The following ERCC6L2 variants were observed in gnomAD, a reference collection of about 807,000 sequenced individuals.
ERCC6L2 encodes ERCC excision repair 6 like 2.
In ERCC6L2, 77 loss-of-function variants were observed where a neutral mutation model predicts 132.0. The ratio of observed to expected loss-of-function variants is 0.58; its 90% CI spans 0.49 to 0.71. The LOEUF (loss-of-function observed/expected upper bound fraction) is 0.71. Ranked by LOEUF, ERCC6L2 falls within the 30% of genes least tolerant of loss-of-function variation. The pLI is 0.00. For synonymous variants in ERCC6L2, 583 were observed against 632.4 expected (o/e 0.92, Z 1.17); for missense variants, 1,542 against 1,837.6 (o/e 0.84, Z 2.94).
chr9:95,930,032 A>G (rs1393815032), intron 11 of ERCC6L2, among the ~76,000 whole-genome samples: 1 of 152,150 alleles, frequency 6.6e-6, no homozygotes, highest in Non-Finnish European at 1.5e-5. Context: ...CATACTTCGA[A>G]AAACATCTTT....
At position 96,030,206 on chromosome 9, in the gene ERCC6L2, CCTGTAAAATGGGCCAATCAGCACT is replaced by C. The variant is rs1310744896; in HGVS notation, c.*1504-8658_*1504-8635del. Among the ~76,000 whole-genome samples, 4 of 151,666 alleles carry C rather than the reference CCTGTAAAATGGGCCAATCAGCACT, an allele frequency of 2.6e-5. No individual in the cohort carries two copies. In the East Asian group the frequency reaches 7.7e-4, roughly 29 times the overall value. ...CCCTGTAAAATGGATCAGTCAGCACCCTGTAAAATGGGCCAATCAGCACTCTGTAAAATGGACCAATCAGCAGGA... is the reference window on the plus strand; with the variant it reads ...CCCTGTAAAATGGATCAGTCAGCACCCTGTAAAATGGACCAATCAGCAGGA... On this transcript the variant is annotated intron_variant and NMD_transcript_variant, in intron 19 of 20. Transcript: ENST00000670016.
intron 4 of ERCC6L2, among the ~76,000 whole-genome samples, chr9:95,915,102 A>T (rs183905034): frequency 1.4e-3 from 210 of 152,272 alleles, no homozygotes; most frequent in Admixed American, 2.4e-3. Flanking sequence ...CTTTAGATAC[A>T]TCTGTGCTTT....
chr9:95,993,262 T>TGA (rs1833361715), intron 17 of ERCC6L2, among the ~76,000 whole-genome samples: 1 of 152,198 alleles, frequency 6.6e-6, no homozygotes, highest in Non-Finnish European at 1.5e-5. Context: ...GCTATGGTGC[T>TGA]GAGTCCAGTG....
chr9:95,882,322 G>C (rs1165304459), intron 2 of ERCC6L2, among the ~76,000 whole-genome samples: 2 of 152,226 alleles, frequency 1.3e-5, no homozygotes, highest in Non-Finnish European at 2.9e-5. Flanking sequence ...AGATTAAACA[G>C]GACTGGGAAT....
At chr9:96,000,638 T>A (rs1833635572) in intron 17 of ERCC6L2, among the ~76,000 whole-genome samples, 1 of 152,166 alleles carries the variant, frequency 6.6e-6, no homozygotes, top group Admixed American at 6.5e-5. Flanking sequence ...CCCATTGAAC[T>A]TCTATTAAAA....
At chr9:95,893,118 T>A (rs1343398194) in intron 2 of ERCC6L2, among the ~76,000 whole-genome samples, 1 of 152,232 alleles carries the variant, frequency 6.6e-6, no homozygotes, top group Non-Finnish European at 1.5e-5. Flanking sequence ...CTTCTTGCAA[T>A]GTACCTAATA....
rs2280143 is a variant in ERCC6L2 at position 95,980,400 on chromosome 9, T to G, written c.3492+2185T>G. 5.7e-3 allele frequency among the ~76,000 whole-genome samples: 868 copies of G among 152,316 alleles called. 21 individuals carry two copies. The East Asian group carries it at 0.092, about 16-fold the overall frequency. On this transcript the variant is annotated intron_variant, in intron 17 of 18. Transcript: ENST00000653738. ...TAATGACTACATTGTGGTGAAGTTTTAAAGCCACTAAATGGGAGGTCCATT... is the reference window on the plus strand; with the variant it reads ...TAATGACTACATTGTGGTGAAGTTTGAAAGCCACTAAATGGGAGGTCCATT...
In ERCC6L2 at chr9:96,004,616, A is replaced by C. The variant is rs554011949; in HGVS notation, c.3589A>C (p.Asn1197His). 2.3e-6 allele frequency: 3 copies of C among 1,320,366 alleles called. No individual in the cohort carries two copies. The highest frequency in any genetic ancestry group is 1.0e-4 in the East Asian group (2 of 19,888). The allele number at this position is 1,320,366 out of a possible 1,614,324, so 81.8% of individuals were successfully genotyped here. Residue 1197 changes from asparagine (N) to histidine (H), a missense_variant, in exon 18 of 19, where the codon AAT (asparagine) becomes CAT (histidine). Coordinates refer to ENST00000653738, the MANE Select transcript of ERCC6L2 (RefSeq NM_020207.7). ...CATTTCACTTCCTCTTTACATTTCAAATCCTGTAAACCAGAAGAAGAAAAA... is the reference window on the plus strand; with the variant it reads ...CATTTCACTTCCTCTTTACATTTCACATCCTGTAAACCAGAAGAAGAAAAA... ...GSISLPLYIS[N>H]PVNQKKKKVY...
At chr9:95,876,158 C>T (rs924455324) in intron 1 of ERCC6L2, 74 bp downstream of exon 1, 15 of 1,435,390 alleles carry the variant, frequency 1.0e-5, no homozygotes, top group Admixed American at 4.1e-5. Flanking sequence ...TTGCCGGTGC[C>T]CTTCGGGTTG....
At chr9:95,977,581 CA>C (rs780834458) in intron 16 of ERCC6L2, among the ~76,000 whole-genome samples, 2 of 152,024 alleles carry the variant, frequency 1.3e-5, no homozygotes, top group Non-Finnish European at 2.9e-5. Context: ...GGCATATGTA[CA>C]AAAAAGACAA....
intron 12 of ERCC6L2, among the ~76,000 whole-genome samples, chr9:95,944,702 G>C (rs750931211): frequency 2.6e-5 from 4 of 151,830 alleles, no homozygotes; most frequent in Admixed American, 2.6e-4. Context: ...CCTAAGTGTC[G>C]GCCGGTCTGA....
At chr9:95,920,665 A>G (rs1829820731) in intron 6 of ERCC6L2, among the ~76,000 whole-genome samples, 1 of 152,216 alleles carries the variant, frequency 6.6e-6, no homozygotes, top group Non-Finnish European at 1.5e-5. Flanking sequence ...GTTTATTTGA[A>G]AGTGAAATTA....
In ERCC6L2 at chr9:95,915,801, A is replaced by T; in HGVS notation, c.922A>T (p.Met308Leu). The T allele has an allele frequency of 6.2e-7, 1 of 1,612,734 alleles. No individual in the cohort carries two copies. The highest frequency in any genetic ancestry group is 8.5e-7 in the Non-Finnish European group (1 of 1,179,540). ...CACTGGAACCATCCTTCAGAACAAC[A>T]TGAAGGAACTGTGGTGTGTTATGGA... Reference protein sequence around the residue: ...GLTGTILQNNMKELWCVMDWA... With the variant: ...GLTGTILQNNLKELWCVMDWA... Residue 308 changes from methionine to leucine, a missense_variant, in exon 5 of 19, where the codon ATG (methionine) becomes TTG (leucine). Physicochemically the swap from Met to Leu is conservative, Grantham distance 15 (BLOSUM62 2). This residue lies in a region of ERCC6L2 where 945 missense variants were observed against 1,105.2 expected (regional missense o/e 0.86). Transcript: ENST00000653738.
chr9:96,030,945 G>A (rs1468759989), intron 19 of ERCC6L2, among the ~76,000 whole-genome samples: 1 of 152,128 alleles, frequency 6.6e-6, no homozygotes, highest in African/African-American at 2.4e-5. Context: ...TGGTGCCTCC[G>A]GACAGGCCCT....
At chr9:95,885,118 G>T (rs1365674563) in intron 2 of ERCC6L2, among the ~76,000 whole-genome samples, 1 of 151,478 alleles carries the variant, frequency 6.6e-6, no homozygotes, top group Non-Finnish European at 1.5e-5. Context: ...ATTTTTTTTT[G>T]TCAAAGATTA....
At chr9:95,980,377 A>T (rs1832841140) in intron 17 of ERCC6L2, among the ~76,000 whole-genome samples, 1 of 152,184 alleles carries the variant, frequency 6.6e-6, no homozygotes, top group African/African-American at 2.4e-5. Flanking sequence ...TAGCTGTTTA[A>T]TGACTACATT....
chr9:95,883,663 A>G (rs1317800423), intron 2 of ERCC6L2, among the ~76,000 whole-genome samples: 1 of 152,204 alleles, frequency 6.6e-6, no homozygotes, highest in Non-Finnish European at 1.5e-5. Flanking sequence ...GATCAAGACC[A>G]TCCTGGCCAA....
chr9:95,917,335 T>C (rs1829648720), intron 6 of ERCC6L2, among the ~76,000 whole-genome samples: 1 of 152,228 alleles, frequency 6.6e-6, no homozygotes, highest in Non-Finnish European at 1.5e-5. Flanking sequence ...CTTGTGTTTC[T>C]TCTAGCTTGG....
At chr9:95,973,123 T>C (rs1461614597) in intron 16 of ERCC6L2, 35 bp downstream of exon 16, 15 of 1,224,408 alleles carry the variant, frequency 1.2e-5, no homozygotes, top group Non-Finnish European at 1.5e-5. Flanking sequence ...CTTTAAAAAG[T>C]ATATTTGTTT....
Sources: allele counts gnomAD v4.1 joint callset (sites outside exome capture counted in the v4.1 genomes callset), GRCh38; gene constraint gnomAD v4.1.1; regional missense constraint gnomAD v4.1.1; transcripts MANE v1.5; gene names NCBI Gene and HGNC (gene_info 2026-07-23, HGNC 2026-07-21).